PLEKHG1: variants seen among roughly 807,000 people sequenced by gnomAD.
PLEKHG1 encodes pleckstrin homology and RhoGEF domain containing G1.
PLEKHG1 carries 44 observed loss-of-function variants against 100.8 expected under a neutral mutation model. The ratio of observed to expected loss-of-function variants is 0.44; its 90% CI spans 0.34 to 0.56. PLEKHG1 has a LOEUF of 0.56. Ranked by LOEUF, PLEKHG1 falls within the 20% of genes least tolerant of loss-of-function variation. PLEKHG1 has a pLI of 0.01. For synonymous variants in PLEKHG1, 640 were observed against 662.5 expected (o/e 0.97, Z 0.52); for missense variants, 1,545 against 1,720.9 (o/e 0.90, Z 1.81).
chr6:150,734,242 G>A, intron 2 of PLEKHG1, 150 bp downstream of exon 3: 2 of 775,604 alleles, frequency 2.6e-6, no homozygotes, highest in Non-Finnish European at 4.2e-6. Flanking sequence ...AAACCCTAAG[G>A]CCGTAACCCA....
chr6:150,698,048 T>C (rs1780618370), intron 3 of PLEKHG1, among the ~76,000 whole-genome samples: 1 of 152,196 alleles, frequency 6.6e-6, no homozygotes, highest in Non-Finnish European at 1.5e-5. Context: ...TTGAAATGCT[T>C]GGGACCACAA....
intron 15 of PLEKHG1, among the ~76,000 whole-genome samples, chr6:150,834,652 C>CT (rs1777132816): frequency 6.6e-6 from 1 of 152,156 alleles, no homozygotes; most frequent in Non-Finnish European, 1.5e-5. Context: ...TTTCTTTTCA[C>CT]TTTTGGTTGG....
Position 150,744,530 on chromosome 6 carries a change from T to C in PLEKHG1, c.411+10438T>C, listed in dbSNP as rs962177991. Among the ~76,000 whole-genome samples the C allele has an allele frequency of 2.6e-4, 40 of 152,232 alleles. 1 individual carries two copies. Among genetic ancestry groups the C allele is most frequent in the African/African-American group, 9.2e-4 (38 of 41,458 alleles). On this transcript the variant is annotated intron_variant, in intron 2 of 15. Transcript: ENST00000358517. ...GCACTCCCCAAATCAACCCACATTG[T>C]TGTGGATGCTTTTCCATAAGAAATT...
chr6:150,629,609 C>T (rs958898781), intron 1 of PLEKHG1, among the ~76,000 whole-genome samples: 4 of 152,006 alleles, frequency 2.6e-5, no homozygotes, highest in Admixed American at 6.6e-5. Context: ...TACAGGCACG[C>T]GGCATCACGC....
chr6:150,667,521 ATAG>A (rs1477293786), intron 3 of PLEKHG1, among the ~76,000 whole-genome samples: 1 of 152,228 alleles, frequency 6.6e-6, no homozygotes, highest in Non-Finnish European at 1.5e-5. Context: ...ATCTTGGAAA[ATAG>A]TAGTCTGAAG....
At chr6:150,651,374 C>T (rs1016432318) in intron 3 of PLEKHG1, among the ~76,000 whole-genome samples, 2 of 151,962 alleles carry the variant, frequency 1.3e-5, no homozygotes, top group African/African-American at 4.8e-5. Flanking sequence ...GTTGGGATAA[C>T]AGGCACGCAC....
At chr6:150,747,701 C>T (rs1340318865) in intron 2 of PLEKHG1, among the ~76,000 whole-genome samples, 1 of 152,022 alleles carries the variant, frequency 6.6e-6, no homozygotes, top group Non-Finnish European at 1.5e-5. Flanking sequence ...TTAAAACCAG[C>T]CTGGCCAACA....
intron 3 of PLEKHG1, among the ~76,000 whole-genome samples, chr6:150,677,012 A>G (rs1266798346): frequency 6.6e-6 from 1 of 151,322 alleles, no homozygotes; most frequent in African/African-American, 2.4e-5. Flanking sequence ...CACCTCATCA[A>G]TTCTCAAACT....
At position 150,683,591 on chromosome 6, in the gene PLEKHG1, G is replaced by A. The variant is rs140129901; in HGVS notation, c.-99+32805G>A. 4.0e-4 allele frequency: 124 copies of A among 312,238 alleles called. 3 individuals are homozygous for A. The East Asian group carries it at 6.6e-3, about 17-fold the overall frequency. 19.3% of individuals were successfully genotyped at this position (312,238 alleles called of 1,614,324 possible). A position where few individuals can be genotyped will look rare whatever the true frequency, so the allele number is the denominator to read the frequency against. On this transcript the variant is annotated intron_variant, in intron 3 of 3. Coordinates refer to the PLEKHG1 transcript ENST00000367326. This position sits in a 1 kb window ranked among gnomAD's most constrained non-coding sequence, Gnocchi z 4.0. ...CCACTGCTGTTCCCACAGCAGTCACGGTCATCACTTAGCTTCCTGTTGGGG... is the reference window on the plus strand; with the variant it reads ...CCACTGCTGTTCCCACAGCAGTCACAGTCATCACTTAGCTTCCTGTTGGGG...
chr6:150,816,619 C>A (rs547597272), intron 10 of PLEKHG1, among the ~76,000 whole-genome samples: 8 of 152,162 alleles, frequency 5.3e-5, no homozygotes, highest in South Asian at 2.1e-4. Context: ...ATACCACGCC[C>A]GGCCTCAAAC....
At chr6:150,755,485 A>G (rs1276766214) in intron 2 of PLEKHG1, among the ~76,000 whole-genome samples, 1 of 152,156 alleles carries the variant, frequency 6.6e-6, no homozygotes, top group Non-Finnish European at 1.5e-5. Flanking sequence ...AAAGGCTCCA[A>G]TCTGACCTAC....
At chr6:150,602,092 A>T (rs998915926) in intron 1 of PLEKHG1, among the ~76,000 whole-genome samples, 3 of 152,238 alleles carry the variant, frequency 2.0e-5, no homozygotes, top group Admixed American at 6.5e-5. Context: ...TCAGTGATTT[A>T]ATTAAGATCG....
intron 2 of PLEKHG1, 63 bp downstream of exon 3, chr6:150,734,155 C>A: frequency 6.7e-7 from 1 of 1,503,010 alleles, no homozygotes; most frequent in Non-Finnish European, 9.0e-7. Flanking sequence ...AAAGAAATGA[C>A]AAAGCCAAGC....
chr6:150,669,846 C>G (rs1779526401), intron 3 of PLEKHG1, among the ~76,000 whole-genome samples: 1 of 152,170 alleles, frequency 6.6e-6, no homozygotes, highest in African/African-American at 2.4e-5. Context: ...GATCCACCCA[C>G]CTCGGCCTCC....
intron 2 of PLEKHG1, among the ~76,000 whole-genome samples, chr6:150,752,001 C>T (rs993770672): frequency 3.3e-5 from 5 of 152,154 alleles, no homozygotes; most frequent in Non-Finnish European, 5.9e-5. Context: ...CTAGCCCAGC[C>T]GACATGGTGA....
intron 3 of PLEKHG1, among the ~76,000 whole-genome samples, chr6:150,771,099 G>C (rs1424916489): frequency 1.3e-5 from 2 of 152,040 alleles, no homozygotes; most frequent in Non-Finnish European, 2.9e-5. Flanking sequence ...AAATCTTTAC[G>C]TGTCTCCTAA....
chr6:150,691,520 T>C (rs1274548726), intron 3 of PLEKHG1, among the ~76,000 whole-genome samples: 1 of 152,192 alleles, frequency 6.6e-6, no homozygotes, highest in East Asian at 1.9e-4. Context: ...AGACTACCAT[T>C]GGCCTAAATA....
chr6:150,620,547 C>T (rs1403270410), intron 1 of PLEKHG1, among the ~76,000 whole-genome samples: 1 of 152,254 alleles, frequency 6.6e-6, no homozygotes, highest in Non-Finnish European at 1.5e-5. Context: ...CCACTTATTC[C>T]AACTGGAGGG....
At chr6:150,652,493 G>C (rs556385396) in intron 3 of PLEKHG1, among the ~76,000 whole-genome samples, 20 of 151,850 alleles carry the variant, frequency 1.3e-4, no homozygotes, top group African/African-American at 4.6e-4. Context: ...GAGGCCGAGG[G>C]GGGTGGATCA....
Sources: gnomAD v4.1 joint callset for allele counts (sites outside exome capture counted in the v4.1 genomes callset) on GRCh38, gnomAD v4.1.1 for gene constraint, Gnocchi (gnomAD v3.1) non-coding constraint, MANE v1.5 for transcripts, NCBI Gene and HGNC (gene_info 2026-07-23, HGNC 2026-07-21) for gene names.